Variants in MCMDC2 observed in about 807,000 individuals in gnomAD.
MCMDC2 encodes minichromosome maintenance domain containing 2.
MCMDC2 carries 54 observed loss-of-function variants against 75.8 expected under a neutral mutation model. The ratio of observed to expected loss-of-function variants is 0.71; its 90% CI spans 0.57 to 0.89. The LOEUF (loss-of-function observed/expected upper bound fraction) is 0.89, where lower values mean the gene tolerates loss of function less well. Among genes scored for constraint, MCMDC2 ranks in the 40% least tolerant of loss-of-function variants. The probability of loss-of-function intolerance (pLI) is 0.00; values close to 1 mark genes in which losing one functional copy is unlikely to be tolerated. For missense variants in MCMDC2, 656 were observed against 780.4 expected (o/e 0.84, Z 1.90); for synonymous variants, 249 against 274.6 (o/e 0.91, Z 0.92).
At chr8:66,900,253 A>G (rs2130844910) in intron 12 of MCMDC2, among the ~76,000 whole-genome samples, 1 of 152,238 alleles carries the variant, frequency 6.6e-6, no homozygotes, top group East Asian at 1.9e-4. Context: ...CCTGGCCAAC[A>G]TAGTGAAACC....
chr8:66,901,994 TTAGGAGGCTGA>T (rs1424931682), intron 13 of MCMDC2, among the ~76,000 whole-genome samples: 7 of 151,798 alleles, frequency 4.6e-5, no homozygotes, highest in Non-Finnish European at 1.5e-5. Flanking sequence ...TCCCAGCACT[TTAGGAGGCTGA>T]GGCAGGTGGG....
At chr8:66,889,282 A>G (rs1022734956) in intron 9 of MCMDC2, among the ~76,000 whole-genome samples, 1 of 152,162 alleles carries the variant, frequency 6.6e-6, no homozygotes, top group Non-Finnish European at 1.5e-5. Flanking sequence ...TAAATTTGGG[A>G]TATGAAGAGA....
At chr8:66,882,063 C>A (rs1036715273) in intron 8 of MCMDC2, among the ~76,000 whole-genome samples, 3 of 152,182 alleles carry the variant, frequency 2.0e-5, no homozygotes, top group African/African-American at 4.8e-5. Flanking sequence ...AACTTAAGGA[C>A]AGAAGCATGA....
rs1813487576 is a variant in MCMDC2, at chr8:66,920,574, T to C, written c.*1405T>C. ...ATTACAGTTCTATAATGTTAAGACGTTTATTTTGTGCTTCTCAAATACTAC... is the reference window on the plus strand; with the variant it reads ...ATTACAGTTCTATAATGTTAAGACGCTTATTTTGTGCTTCTCAAATACTAC... On this transcript the variant is annotated 3_prime_UTR_variant, in exon 15 of 15. Transcript: ENST00000422365. 1.3e-5 allele frequency: 2 copies of C among 152,220 alleles called. No homozygotes were observed. The highest frequency in any genetic ancestry group is 1.3e-4 in the Admixed American group (2 of 15,276). 9.4% of individuals were successfully genotyped at this position (152,220 alleles called of 1,614,324 possible). A position where few individuals can be genotyped will look rare whatever the true frequency, so the allele number is the denominator to read the frequency against.
chr8:66,917,672 TA>T (rs1433367826), intron 14 of MCMDC2, among the ~76,000 whole-genome samples: 1 of 152,224 alleles, frequency 6.6e-6, no homozygotes, highest in African/African-American at 2.4e-5. Context: ...TGTCCTTTCA[TA>T]ACTGGCTTAT....
intron 10 of MCMDC2, among the ~76,000 whole-genome samples, chr8:66,892,734 T>A (rs944996818): frequency 1.3e-5 from 2 of 152,150 alleles, no homozygotes; most frequent in African/African-American, 2.4e-5. Flanking sequence ...TTTTCAGGCT[T>A]CAGGCTGTCT....
chr8:66,876,168 C>T (rs1811274876), intron 4 of MCMDC2, among the ~76,000 whole-genome samples: 1 of 152,064 alleles, frequency 6.6e-6, no homozygotes, highest in Admixed American at 6.6e-5. Context: ...GCCTAGAATT[C>T]GTTATTTCAT....
At chr8:66,880,513 A>G (rs889802751) in intron 7 of MCMDC2, among the ~76,000 whole-genome samples, 1 of 152,236 alleles carries the variant, frequency 6.6e-6, no homozygotes, top group Non-Finnish European at 1.5e-5. Flanking sequence ...GGTCATTTTT[A>G]TTAACATTCC....
rs1811187649 is a variant in MCMDC2, at chr8:66,874,603, T to G, written c.285+17T>G. The G allele has an allele frequency of 6.2e-7, 1 of 1,604,716 alleles. No homozygotes were observed. The highest frequency in any genetic ancestry group is 1.1e-5 in the South Asian group (1 of 89,212). On this transcript the variant is annotated intron_variant, in intron 4 of 14. Coordinates refer to ENST00000422365, the MANE Select transcript of MCMDC2 (RefSeq NM_173518.5). Reference sequence around the variant, plus strand: ...GAAACGCAAGTAAGTTTTAGTTACATTTAAGCAAACTCAGGTACAGATTTA... The same window carrying G: ...GAAACGCAAGTAAGTTTTAGTTACAGTTAAGCAAACTCAGGTACAGATTTA...
At chr8:66,922,381 G>A (rs1343026483), downstream of MCMDC2, 1 of 404,434 alleles carries the variant, frequency 2.5e-6, no homozygotes, top group African/African-American at 2.1e-5. Context: ...TTCATCTACA[G>A]CAACCTATAT....
chr8:66,915,965 A>G, intron 14 of MCMDC2, among the ~76,000 whole-genome samples: 1 of 152,152 alleles, frequency 6.6e-6, no homozygotes, highest in Non-Finnish European at 1.5e-5. Context: ...CATGCTACTG[A>G]GAGTTTGAGT....
chr8:66,911,306 C>A (rs183432789), intron 14 of MCMDC2, among the ~76,000 whole-genome samples: 124 of 152,280 alleles, frequency 8.1e-4, no homozygotes, highest in Middle Eastern at 6.8e-3. Context: ...GCTCTTTCCC[C>A]TTCACTTGGC....
At position 66,890,755 on chromosome 8, in the gene MCMDC2, T is replaced by C. The variant is rs1482235127; in HGVS notation, c.1074-110T>C. 7.9e-6 allele frequency: 7 copies of C among 890,290 alleles called. No homozygotes were observed. In the African/African-American group the frequency reaches 8.6e-5, roughly 11 times the overall value. 55.1% of individuals were successfully genotyped at this position (890,290 alleles called of 1,614,324 possible). On this transcript the variant is annotated intron_variant, in intron 9 of 14. Coordinates refer to ENST00000422365, the MANE Select transcript of MCMDC2 (RefSeq NM_173518.5). ...ATATATATTTTTATCCCTAGCACAA[T>C]AGCTGGTGTATCACAGGTGCTCAGT... is the stretch of plus-strand genomic sequence containing the variant.
chr8:66,888,572 T>C (rs964260107), intron 9 of MCMDC2, among the ~76,000 whole-genome samples: 3 of 152,242 alleles, frequency 2.0e-5, no homozygotes, highest in Admixed American at 1.3e-4. Flanking sequence ...TTTATAAAGG[T>C]CATGCAAATA....
At position 66,872,520 on chromosome 8, in the gene MCMDC2, C is replaced by G. The variant is rs149261625; in HGVS notation, c.-88-1533C>G. 2.0e-3 allele frequency among the ~76,000 whole-genome samples: 301 copies of G among 152,248 alleles called. 2 individuals are homozygous for G. Among genetic ancestry groups the G allele is most frequent in the Non-Finnish European group, 3.7e-3 (250 of 68,022 alleles). On this transcript the variant is annotated intron_variant, in intron 1 of 14. Transcript: ENST00000422365. ...GTATATTCATATTTCTATTACAGCA[C>G]TTAAATTGCCATGTAACTGTTTACA...
chr8:66,882,446 A>G (rs191228554), intron 8 of MCMDC2, among the ~76,000 whole-genome samples: 2 of 151,972 alleles, frequency 1.3e-5, no homozygotes, highest in Non-Finnish European at 2.9e-5. Context: ...GCTCACTGCA[A>G]CCTCCACCTC....
intron 14 of MCMDC2, among the ~76,000 whole-genome samples, chr8:66,911,857 T>G (rs766423052): frequency 6.6e-6 from 1 of 151,978 alleles, no homozygotes; most frequent in African/African-American, 2.4e-5. Flanking sequence ...TTCAAAAGAT[T>G]ACTGCTCATT....
At position 66,896,339 on chromosome 8, in the gene MCMDC2, AAGGT is replaced by A. The variant is rs1236045907; in HGVS notation, c.1446+5_1446+8del. On this transcript the variant is annotated splice_donor_5th_base_variant and intron_variant, in intron 11 of 14. Coordinates refer to ENST00000422365, the MANE Select transcript of MCMDC2 (RefSeq NM_173518.5). ...TCAACACTCTAATTGGTCAGATGGT[AAGGT>A]ATATGTATATTTTATTGTTAGAATG... 1 of 1,597,620 alleles carries A rather than the reference AAGGT, an allele frequency of 6.3e-7. No individual in the cohort carries two copies. The highest frequency in any genetic ancestry group is 8.5e-7 in the Non-Finnish European group (1 of 1,175,606).
chr8:66,918,512 G>A (rs1310187425), intron 14 of MCMDC2, among the ~76,000 whole-genome samples: 2 of 152,112 alleles, frequency 1.3e-5, no homozygotes, highest in Non-Finnish European at 2.9e-5. Flanking sequence ...GCCTTTATGT[G>A]AATGGTTTTA....
Sources: allele counts gnomAD v4.1 joint callset (sites outside exome capture counted in the v4.1 genomes callset), GRCh38; gene constraint gnomAD v4.1.1; transcripts MANE v1.5; gene names NCBI Gene and HGNC (gene_info 2026-07-23, HGNC 2026-07-21).